The following ARHGEF7 variants were observed in gnomAD, a reference collection of about 807,000 sequenced individuals.
ARHGEF7 encodes the protein PAK-interacting exchange factor beta.
A neutral mutation model predicts 109.8 loss-of-function variants in ARHGEF7; 33 were observed. The ratio of observed to expected loss-of-function variants is 0.30; its 90% CI spans 0.23 to 0.40. ARHGEF7 has a LOEUF of 0.40. Ranked by LOEUF, ARHGEF7 falls within the 10% of genes least tolerant of loss-of-function variation. The pLI is 1.00. For synonymous variants in ARHGEF7, 458 were observed against 424.6 expected, an observed-to-expected ratio of 1.08 and a Z score of -0.97; for missense variants, 938 against 1,098.5, an observed-to-expected ratio of 0.85 and a Z score of 2.07.
At chr13:111,144,332 A>G (rs1218313186) in intron 1 of ARHGEF7, 3 of 152,280 alleles carry the variant, frequency 2.0e-5, no homozygotes. Context: ...AATTTCTTCC[A>G]GTAAACGACT....
intron 2 of ARHGEF7, among the ~76,000 whole-genome samples, chr13:111,174,321 CT>C (rs2077903539): frequency 6.6e-6 from 1 of 152,212 alleles, no homozygotes; most frequent in African/African-American, 2.4e-5. Flanking sequence ...ACGGCAGTGC[CT>C]GTGGAATCCC....
Position 111,140,683 on chromosome 13 carries a change from TTTTG to T in ARHGEF7, c.166-13215_166-13212del, listed in dbSNP as rs1461401075. Among the ~76,000 whole-genome samples, 8 of 152,258 alleles carry T rather than the reference TTTTG, an allele frequency of 5.3e-5. No individual in the cohort carries two copies. In the South Asian group the frequency reaches 8.3e-4, roughly 16 times the overall value. On this transcript the variant is annotated intron_variant, in intron 1 of 21. Transcript: ENST00000646102. ...CTTGGCCTTTTATTATTAACCTTTT[TTTTG>T]TTTGTTCGTTTGTTTGCTTTTTTAG...
At chr13:111,294,268 G>A in intron 19 of ARHGEF7, 1 of 985,444 alleles carries the variant, frequency 1.0e-6, no homozygotes, top group Non-Finnish European at 1.2e-6. Context: ...CTGCGTCAGG[G>A]AGCACTTTTT....
chr13:111,294,227 ATT>A, intron 19 of ARHGEF7: 1 of 985,396 alleles, frequency 1.0e-6, no homozygotes, highest in East Asian at 1.1e-4. Context: ...TTTAGAAGCG[ATT>A]TTGGTTTTGT....
chr13:111,301,449 A>ATG (rs759791274), intron 20 of ARHGEF7, 29 bp from the exon 21 acceptor site: 8 of 1,600,756 alleles, frequency 5.0e-6, no homozygotes, highest in South Asian at 1.1e-5. Flanking sequence ...CACCTTGTTC[A>ATG]TGTGTGTGTG....
In ARHGEF7 at chr13:111,131,080, C is replaced by A. The variant is rs1260099187; in HGVS notation, c.165+15389C>A. ...TAAGGGAAGAATGATATGATCAGTT[C>A]TGTGCTTTGAAAACAATACTCTAGC... On this transcript the variant is annotated intron_variant, in intron 1 of 21. Coordinates refer to ENST00000646102, the MANE Select transcript of ARHGEF7 (RefSeq NM_001354046.2). The surrounding 1 kb of genome is among the most constrained non-coding windows in gnomAD (Gnocchi z 4.4). 2.6e-5 allele frequency among the ~76,000 whole-genome samples: 4 copies of A among 152,214 alleles called. No homozygotes were observed. The highest frequency in any genetic ancestry group is 9.7e-5 in the African/African-American group (4 of 41,448).
intron 17 of ARHGEF7, among the ~76,000 whole-genome samples, chr13:111,287,362 C>T (rs2093063980): frequency 6.6e-6 from 1 of 152,196 alleles, no homozygotes; most frequent in Non-Finnish European, 1.5e-5. Context: ...CCACTTCCTT[C>T]AGCAGATCCA....
Position 111,201,671 on chromosome 13 carries a change from C to T in ARHGEF7, c.253-3618C>T, listed in dbSNP as rs888416395. On this transcript the variant is annotated intron_variant, in intron 2 of 21. Transcript: ENST00000646102. ...GGCATTCCAGTTGCTGCTTCCTGTC[C>T]TCAAGCATGTTCCCCTTTCCCTGGT... 3.9e-5 allele frequency among the ~76,000 whole-genome samples: 6 copies of T among 152,120 alleles called. No individual in the cohort carries two copies. The East Asian group carries it at 1.2e-3, about 29-fold the overall frequency.
intron 8 of ARHGEF7, among the ~76,000 whole-genome samples, chr13:111,257,747 G>A (rs1237634059): frequency 1.3e-5 from 2 of 152,254 alleles, no homozygotes; most frequent in African/African-American, 2.4e-5. Context: ...CAGCCACGTA[G>A]CACAGAGAGA....
chr13:111,234,202 C>T (rs1222699616), intron 6 of ARHGEF7, among the ~76,000 whole-genome samples: 1 of 152,148 alleles, frequency 6.6e-6, no homozygotes, highest in African/African-American at 2.4e-5. Context: ...GTGCAGCAGT[C>T]ATTTTCTTGT....
intron 4 of ARHGEF7, among the ~76,000 whole-genome samples, chr13:111,210,890 G>T (rs2153476803): frequency 6.6e-6 from 1 of 152,332 alleles, no homozygotes; most frequent in East Asian, 1.9e-4. Flanking sequence ...GGGGAGTATT[G>T]CTAAGTAAGC....
intron 17 of ARHGEF7, among the ~76,000 whole-genome samples, chr13:111,287,651 A>C (rs144780369): frequency 6.6e-6 from 1 of 152,326 alleles, no homozygotes; most frequent in African/African-American, 2.4e-5. Flanking sequence ...GGGGCTGAGG[A>C]AGCAGGCCAA....
intron 2 of ARHGEF7, among the ~76,000 whole-genome samples, chr13:111,204,892 G>A (rs1162070496): frequency 6.6e-6 from 1 of 152,224 alleles, no homozygotes; most frequent in African/African-American, 2.4e-5. Flanking sequence ...TCTGTGGCTA[G>A]GAAAGAACAT....
At chr13:111,262,455 G>A (rs970490182) in intron 8 of ARHGEF7, among the ~76,000 whole-genome samples, 1 of 152,056 alleles carries the variant, frequency 6.6e-6, no homozygotes, top group Non-Finnish European at 1.5e-5. Flanking sequence ...GTGGGAGCAG[G>A]AGGCTACTTG....
chr13:111,165,326 G>C (rs1235704066), intron 2 of ARHGEF7, among the ~76,000 whole-genome samples: 1 of 152,176 alleles, frequency 6.6e-6, no homozygotes, highest in African/African-American at 2.4e-5. Flanking sequence ...AGATGTTCAT[G>C]CCTGGCCCAT....
intron 2 of ARHGEF7, among the ~76,000 whole-genome samples, chr13:111,172,769 G>A (rs545107019): frequency 6.6e-6 from 1 of 152,336 alleles, no homozygotes; most frequent in South Asian, 2.1e-4. Context: ...GGGCTGGGGT[G>A]GGGCAGACCT....
intron 8 of ARHGEF7, among the ~76,000 whole-genome samples, chr13:111,260,772 TAAA>T (rs1296097684): frequency 1.3e-5 from 2 of 152,134 alleles, no homozygotes; most frequent in Non-Finnish European, 2.9e-5. Context: ...GATGAACTGA[TAAA>T]AAACTACAAG....
chr13:111,250,637 A>G (rs2089630670), intron 8 of ARHGEF7, among the ~76,000 whole-genome samples: 1 of 152,152 alleles, frequency 6.6e-6, no homozygotes. Context: ...CTATTCGGAC[A>G]TTTGTCTCCC....
chr13:111,172,598 T>G (rs1293288659), intron 2 of ARHGEF7, among the ~76,000 whole-genome samples: 1 of 152,236 alleles, frequency 6.6e-6, no homozygotes, highest in Non-Finnish European at 1.5e-5. Flanking sequence ...AACTTGGTTT[T>G]AAAAAACCAG....
Sources: allele counts gnomAD v4.1 joint callset (sites outside exome capture counted in the v4.1 genomes callset), GRCh38; gene constraint gnomAD v4.1.1; non-coding constraint Gnocchi (gnomAD v3.1); transcripts MANE v1.5; gene names NCBI Gene and HGNC (gene_info 2026-07-23, HGNC 2026-07-21).